The following CYP2C19 variants were observed in gnomAD, a reference collection of about 807,000 sequenced individuals.
CYP2C19 encodes the protein cytochrome P450 2C19.
Under a neutral mutation model 40.9 loss-of-function variants are expected in CYP2C19, and 59 were observed. The ratio of observed to expected loss-of-function variants is 1.44; its 90% CI spans 1.17 to 1.79. The LOEUF is 1.79. Ranked by LOEUF, CYP2C19 falls within the 40% of genes most tolerant of loss-of-function variation. CYP2C19 has a pLI of 0.00. For missense variants in CYP2C19, 754 were observed against 596.9 expected, an observed-to-expected ratio of 1.26 and a Z score of -2.74; for synonymous variants, 253 against 208.7, an observed-to-expected ratio of 1.21 and a Z score of -1.83.
chr10:94,791,714 C>T (rs1848607836), intron 5 of CYP2C19, among the ~76,000 whole-genome samples: 1 of 152,138 alleles, frequency 6.6e-6, no homozygotes, highest in African/African-American at 2.4e-5. Flanking sequence ...AGTTTGATTG[C>T]ACCGTGGTCT....
At chr10:94,817,717 A>G (rs1396835871) in intron 5 of CYP2C19, among the ~76,000 whole-genome samples, 2 of 151,968 alleles carry the variant, frequency 1.3e-5, no homozygotes, top group African/African-American at 2.4e-5. Context: ...TTTTAGGTCT[A>G]ACGTTTAAAT....
chr10:94,764,852 G>A (rs1178910573), intron 1 of CYP2C19, among the ~76,000 whole-genome samples: 2 of 152,138 alleles, frequency 1.3e-5, no homozygotes, highest in Admixed American at 6.5e-5. Context: ...ACCTAGAAAG[G>A]GGAGAAGCCA....
chr10:94,796,611 T>A (rs907750208), intron 5 of CYP2C19, among the ~76,000 whole-genome samples: 5 of 152,178 alleles, frequency 3.3e-5, no homozygotes, highest in African/African-American at 4.8e-5. Flanking sequence ...ACGATATTGA[T>A]TCTTCCTATC....
chr10:94,851,429 A>G (rs1849651898), intron 8 of CYP2C19, among the ~76,000 whole-genome samples: 1 of 148,498 alleles, frequency 6.7e-6, no homozygotes, highest in Non-Finnish European at 1.5e-5. Flanking sequence ...ACAGAGACAA[A>G]GCATACCAGC....
In CYP2C19 at chr10:94,855,004, T is replaced by G. The variant is rs915347500; in HGVS notation, c.*2090T>G. ...CCCATGGGTGAGATAAATAAAAAAG[T>G]TGTCTAGTCTGTTTCCTCCTGGAGA... is the stretch of plus-strand genomic sequence containing the variant. On this transcript the variant is annotated 3_prime_UTR_variant, in exon 9 of 9. Transcript: ENST00000371321. Among the ~76,000 whole-genome samples, 4 of 152,214 alleles carry G rather than the reference T, an allele frequency of 2.6e-5. No homozygotes were observed. Among genetic ancestry groups the G allele is most frequent in the African/African-American group, 9.6e-5 (4 of 41,452 alleles).
chr10:94,790,209 T>C (rs1848588230), intron 5 of CYP2C19, among the ~76,000 whole-genome samples: 1 of 152,172 alleles, frequency 6.6e-6, no homozygotes, highest in Non-Finnish European at 1.5e-5. Context: ...TCCTGAGACT[T>C]TGCTGAAGTT....
intron 6 of CYP2C19, among the ~76,000 whole-genome samples, chr10:94,826,688 A>G (rs1307914763): frequency 6.6e-6 from 1 of 152,186 alleles, no homozygotes; most frequent in South Asian, 2.1e-4. Context: ...AGAACTTCCA[A>G]CACTATGTTG....
chr10:94,768,353 A>G (rs1418492800), intron 1 of CYP2C19, among the ~76,000 whole-genome samples: 2 of 152,130 alleles, frequency 1.3e-5, no homozygotes, highest in Non-Finnish European at 2.9e-5. Context: ...TTCCTTCGGT[A>G]TATAGGTTAA....
intron 1 of CYP2C19, among the ~76,000 whole-genome samples, chr10:94,765,527 C>A (rs1487029695): frequency 1.3e-5 from 2 of 152,058 alleles, no homozygotes; most frequent in Non-Finnish European, 2.9e-5. Flanking sequence ...GTGTTGGGAG[C>A]AAACTGAGTG....
At chr10:94,799,800 T>C (rs1223583690) in intron 5 of CYP2C19, among the ~76,000 whole-genome samples, 1 of 152,218 alleles carries the variant, frequency 6.6e-6, no homozygotes, top group East Asian at 1.9e-4. Flanking sequence ...TTTTATTGAC[T>C]ATTGAAGCTT....
At chr10:94,840,250 C>G (rs997574422) in intron 6 of CYP2C19, among the ~76,000 whole-genome samples, 1 of 148,984 alleles carries the variant, frequency 6.7e-6, no homozygotes, top group East Asian at 2.0e-4. Flanking sequence ...TTAACTATTT[C>G]TATCTTTTTC....
intron 5 of CYP2C19, among the ~76,000 whole-genome samples, chr10:94,814,030 A>G (rs1392081784): frequency 1.3e-5 from 2 of 150,730 alleles, no homozygotes; most frequent in African/African-American, 4.9e-5. Context: ...TTCCTTGGCT[A>G]TGGGAGGGAG....
intron 2 of CYP2C19, 60 bp downstream of exon 2, chr10:94,775,280 A>G: frequency 4.3e-6 from 7 of 1,613,124 alleles, no homozygotes; most frequent in Non-Finnish European, 5.9e-6. Context: ...TGGAAAACAG[A>G]CTAGCAGAGC....
At chr10:94,798,101 C>A (rs773153373) in intron 5 of CYP2C19, among the ~76,000 whole-genome samples, 4 of 152,062 alleles carry the variant, frequency 2.6e-5, no homozygotes, top group African/African-American at 9.7e-5. Context: ...AATTTTAGAT[C>A]TTTTCTGCTT....
chr10:94,765,308 A>AC (rs1848224753), intron 1 of CYP2C19, among the ~76,000 whole-genome samples: 1 of 151,990 alleles, frequency 6.6e-6, no homozygotes, highest in Non-Finnish European at 1.5e-5. Context: ...GGGCAATGTT[A>AC]ATGTTGGGAC....
intron 3 of CYP2C19, among the ~76,000 whole-genome samples, chr10:94,780,049 G>A (rs1848461347): frequency 6.6e-6 from 1 of 151,992 alleles, no homozygotes; most frequent in African/African-American, 2.4e-5. Context: ...AGTCTCTCTA[G>A]TTCCTCTCTA....
chr10:94,834,556 C>A (rs7394219), intron 6 of CYP2C19, among the ~76,000 whole-genome samples: 32 of 141,388 alleles, frequency 2.3e-4, no homozygotes, highest in African/African-American at 7.5e-4. Context: ...TTTCTTTTTT[C>A]TTTTTTTTTT....
rs199664979 is a variant in CYP2C19 at position 94,818,032 on chromosome 10, A to G, written c.820-2464A>G. Among the ~76,000 whole-genome samples the G allele has an allele frequency of 7.5e-3, 1,137 of 151,246 alleles. 23 individuals are homozygous for G. Among genetic ancestry groups the G allele is most frequent in the East Asian group, 0.056 (282 of 5,070 alleles). ...CATCTCAAAAAAAAAAAAAAAAAAA[A>G]AAAATCTTTAATCCATCTTGAATTG... On this transcript the variant is annotated intron_variant, in intron 5 of 8. Transcript: ENST00000371321.
At chr10:94,793,015 T>A (rs978492962) in intron 5 of CYP2C19, among the ~76,000 whole-genome samples, 2 of 152,178 alleles carry the variant, frequency 1.3e-5, no homozygotes, top group Non-Finnish European at 2.9e-5. Context: ...TTTGGTCTTT[T>A]CACATAGTCA....
Sources: gnomAD v4.1 joint callset for allele counts (sites outside exome capture counted in the v4.1 genomes callset) on GRCh38, gnomAD v4.1.1 for gene constraint, MANE v1.5 for transcripts, NCBI Gene and HGNC (gene_info 2026-07-23, HGNC 2026-07-21) for gene names.